Variants in MALRD1 observed in about 807,000 individuals in gnomAD.
MALRD1 encodes the protein MAM and LDL-receptor class A domain-containing protein 1.
MALRD1 carries 247 observed loss-of-function variants against 242.1 expected under a neutral mutation model. The observed-to-expected ratio is 1.02, with a 90% confidence interval of 0.92 to 1.13. MALRD1 has a LOEUF of 1.13. MALRD1 is among the 50% of genes most tolerant of loss of function. The probability of loss-of-function intolerance (pLI) is 0.00; values close to 1 mark genes in which losing one functional copy is unlikely to be tolerated. For synonymous variants in MALRD1, 995 were observed against 866.6 expected (o/e 1.15, Z -2.60); for missense variants, 2,989 against 2,533.1 (o/e 1.18, Z -3.86).
At chr10:19,684,960 G>A (rs1228489209) in intron 36 of MALRD1, among the ~76,000 whole-genome samples, 1 of 152,132 alleles carries the variant, frequency 6.6e-6, no homozygotes, top group African/African-American at 2.4e-5. Context: ...AAATCTGCAG[G>A]TTAGTGTAGG....
intron 4 of MALRD1, among the ~76,000 whole-genome samples, chr10:19,102,477 T>C (rs1043750054): frequency 3.9e-5 from 6 of 152,152 alleles, no homozygotes; most frequent in African/African-American, 1.4e-4. Context: ...AGGAAATATA[T>C]TGGTACAGCA....
chr10:19,373,203 C>CAA (rs374095193), intron 26 of MALRD1, among the ~76,000 whole-genome samples: 59 of 114,878 alleles, frequency 5.1e-4, no homozygotes, highest in African/African-American at 1.1e-3. Context: ...ACGCTAAATA[C>CAA]AAAAAAAAAA....
At chr10:19,482,075 A>G (rs985414691) in intron 29 of MALRD1, among the ~76,000 whole-genome samples, 1 of 151,978 alleles carries the variant, frequency 6.6e-6, no homozygotes, top group Non-Finnish European at 1.5e-5. Context: ...TGTACTTTGT[A>G]TGAGAAAGTG....
chr10:19,683,466 G>A (rs1247773662), intron 36 of MALRD1, among the ~76,000 whole-genome samples: 1 of 152,194 alleles, frequency 6.6e-6, no homozygotes, highest in Non-Finnish European at 1.5e-5. Flanking sequence ...GACACTTACT[G>A]CAGTTCGTAA....
At chr10:19,359,485 G>A (rs1464362843) in intron 26 of MALRD1, among the ~76,000 whole-genome samples, 1 of 152,042 alleles carries the variant, frequency 6.6e-6, no homozygotes, top group East Asian at 1.9e-4. Context: ...CATCATGGGT[G>A]TTGCTGGAAC....
intron 36 of MALRD1, among the ~76,000 whole-genome samples, chr10:19,662,610 T>G (rs1204029745): frequency 6.6e-6 from 1 of 152,140 alleles, no homozygotes. Flanking sequence ...TTTAGTGATT[T>G]ACTCAAGGTC....
At chr10:19,226,759 A>T (rs949000389) in intron 18 of MALRD1, among the ~76,000 whole-genome samples, 1 of 152,110 alleles carries the variant, frequency 6.6e-6, no homozygotes, top group South Asian at 2.1e-4. Flanking sequence ...ATGTAAACAT[A>T]TACATAGAAA....
rs201594286 is a variant in MALRD1 at position 19,087,803 on chromosome 10, T to TG, written c.341-35dup. On this transcript the variant is annotated intron_variant, in intron 2 of 39. Transcript: ENST00000454679. ...AATAGTAGGTCTTATTCATTCTTTC[T>TG]GGTTTTTTTTTGTACCCTGTCTCTT... is the stretch of plus-strand genomic sequence containing the variant. 2.5e-5 allele frequency: 25 copies of TG among 981,346 alleles called. No homozygotes were observed. The African/African-American group carries it at 3.3e-4, about 13-fold the overall frequency. 60.8% of individuals were successfully genotyped at this position (981,346 alleles called of 1,614,324 possible). A position where few individuals can be genotyped will look rare whatever the true frequency, so the allele number is the denominator to read the frequency against.
chr10:19,625,560 G>A (rs1348085805), intron 36 of MALRD1, among the ~76,000 whole-genome samples: 2 of 151,996 alleles, frequency 1.3e-5, no homozygotes, highest in African/African-American at 2.4e-5. Flanking sequence ...AGGCAGACCC[G>A]GGTTTGGATA....
At chr10:19,616,380 T>C (rs1839158040) in intron 36 of MALRD1, among the ~76,000 whole-genome samples, 1 of 152,062 alleles carries the variant, frequency 6.6e-6, no homozygotes, top group East Asian at 1.9e-4. Context: ...ATAAGTAAAG[T>C]TAAGGTTTAG....
At position 19,673,243 on chromosome 10, in the gene MALRD1, C is replaced by T. The variant is rs980582732; in HGVS notation, c.6138-19039C>T. ...TAAAAAACAATACAAAAAAATTAAC[C>T]GGGCATGGTGGCGGGCGCCTGTAGT... On this transcript the variant is annotated intron_variant, in intron 36 of 39. Coordinates refer to ENST00000454679, the MANE Select transcript of MALRD1 (RefSeq NM_001142308.3). 7.2e-5 allele frequency among the ~76,000 whole-genome samples: 11 copies of T among 151,930 alleles called. No homozygotes were observed. In the East Asian group the frequency reaches 7.8e-4, roughly 11 times the overall value.
chr10:19,588,224 A>C (rs985662229), intron 33 of MALRD1, among the ~76,000 whole-genome samples: 3 of 152,162 alleles, frequency 2.0e-5, no homozygotes, highest in African/African-American at 7.2e-5. Context: ...ATTCCATGGA[A>C]ATAGTCAATG....
intron 26 of MALRD1, among the ~76,000 whole-genome samples, chr10:19,356,851 G>T (rs955023200): frequency 3.9e-5 from 6 of 152,126 alleles, no homozygotes. Flanking sequence ...GCTCACACCT[G>T]TAATCCCAGC....
chr10:19,387,868 C>G, intron 27 of MALRD1, 95 bp downstream of exon 27: 2 of 1,405,170 alleles, frequency 1.4e-6, no homozygotes, highest in South Asian at 3.0e-5. Context: ...TCTGAAGAGA[C>G]CACCACGATG....
intron 29 of MALRD1, among the ~76,000 whole-genome samples, chr10:19,478,617 A>G (rs1008810092): frequency 3.9e-5 from 6 of 152,060 alleles, no homozygotes; most frequent in African/African-American, 7.3e-5. Flanking sequence ...ATCTCGTACT[A>G]AGTTCACCTT....
intron 2 of MALRD1, among the ~76,000 whole-genome samples, chr10:19,081,738 G>A (rs1326590045): frequency 6.6e-6 from 1 of 151,922 alleles, no homozygotes; most frequent in Non-Finnish European, 1.5e-5. Flanking sequence ...TAACAAACCT[G>A]CACATCCTGC....
intron 18 of MALRD1, among the ~76,000 whole-genome samples, chr10:19,218,835 A>G (rs1837438250): frequency 6.6e-6 from 1 of 152,128 alleles, no homozygotes; most frequent in South Asian, 2.1e-4. Context: ...CAAAAATACT[A>G]AGGAGATATT....
intron 31 of MALRD1, among the ~76,000 whole-genome samples, chr10:19,518,664 ATT>A (rs201258931): frequency 6.7e-6 from 1 of 148,546 alleles, no homozygotes; most frequent in African/African-American, 2.5e-5. Context: ...TGGTGTGAAC[ATT>A]TTTTTTTTTC....
chr10:19,266,579 C>T (rs1324056952), intron 19 of MALRD1, among the ~76,000 whole-genome samples: 1 of 151,492 alleles, frequency 6.6e-6, no homozygotes, highest in Non-Finnish European at 1.5e-5. Flanking sequence ...ATTCTAAATT[C>T]AGGATACAGA....
Sources: allele counts gnomAD v4.1 joint callset (sites outside exome capture counted in the v4.1 genomes callset), GRCh38; gene constraint gnomAD v4.1.1; transcripts MANE v1.5; gene names NCBI Gene and HGNC (gene_info 2026-07-23, HGNC 2026-07-21).